CDK5RAP2: variants seen among roughly 807,000 people sequenced by gnomAD.
CDK5RAP2 encodes CDK5 regulatory subunit-associated protein 2.
CDK5RAP2 carries 147 observed loss-of-function variants against 232.9 expected under a neutral mutation model. The observed-to-expected ratio is 0.63, with a 90% confidence interval of 0.55 to 0.72. The LOEUF is 0.72. Among genes scored for constraint, CDK5RAP2 ranks in the 30% least tolerant of loss-of-function variants. The pLI is 0.00. For missense variants in CDK5RAP2, 2,195 were observed against 2,231.5 expected (o/e 0.98, Z 0.33); for synonymous variants, 833 against 833.7 (o/e 1.00, Z 0.01).
chr9:120,409,932 T>A (rs2033739937), intron 29 of CDK5RAP2, among the ~76,000 whole-genome samples: 1 of 152,188 alleles, frequency 6.6e-6, no homozygotes, highest in Non-Finnish European at 1.5e-5. Context: ...TTCACTGAGA[T>A]GCCATCTATA....
At chr9:120,411,034 G>A (rs1337377213) in intron 29 of CDK5RAP2, among the ~76,000 whole-genome samples, 8 of 152,196 alleles carry the variant, frequency 5.3e-5, no homozygotes, top group African/African-American at 1.7e-4. Context: ...ACTAGGATGA[G>A]AGACACGTGG....
At chr9:120,439,121 C>G (rs2035747357) in intron 24 of CDK5RAP2, among the ~76,000 whole-genome samples, 1 of 152,130 alleles carries the variant, frequency 6.6e-6, no homozygotes, top group South Asian at 2.1e-4. Flanking sequence ...TTACCCTGAG[C>G]CCCCAACTTG....
chr9:120,550,853 T>TA lies in CDK5RAP2; in HGVS notation c.244dup (p.Tyr82LeufsTer4). 6.2e-7 allele frequency: 1 copy of TA among 1,613,554 alleles called. No homozygotes were observed. The highest frequency in any genetic ancestry group is 8.5e-7 in the Non-Finnish European group (1 of 1,179,522). On this transcript the variant is annotated frameshift_variant, in exon 4 of 38. Coordinates refer to ENST00000349780, the MANE Select transcript of CDK5RAP2 (RefSeq NM_018249.6). LOFTEE classifies it high-confidence loss of function. ...CTGTTGCATTCTTTCCTCAAGGAAATAGATGCGGAGCTTTAGGTTAAAGTT... is the reference window on the plus strand; with the variant it reads ...CTGTTGCATTCTTTCCTCAAGGAAATAAGATGCGGAGCTTTAGGTTAAAGTT...
intron 36 of CDK5RAP2, among the ~76,000 whole-genome samples, chr9:120,390,645 A>T (rs1037807192): frequency 6.6e-6 from 1 of 152,214 alleles, no homozygotes; most frequent in African/African-American, 2.4e-5. Context: ...TGAGCCTGAT[A>T]GGGAATCTGT....
chr9:120,472,091 G>A (rs563942990), intron 15 of CDK5RAP2, among the ~76,000 whole-genome samples: 2 of 152,328 alleles, frequency 1.3e-5, no homozygotes, highest in South Asian at 4.1e-4. Context: ...ACGGCAGACT[G>A]TATTTCCTTC....
Position 120,460,666 on chromosome 9 carries a change from A to G in CDK5RAP2, c.2108T>C (p.Leu703Pro). 1.9e-6 allele frequency: 3 copies of G among 1,614,090 alleles called. No homozygotes were observed. The South Asian group carries it at 3.3e-5, about 18-fold the overall frequency. ...DRLASTEQTELLASKEDEDTI... is the reference protein window; with the variant it reads ...DRLASTEQTEPLASKEDEDTI... ...GTCCTCGTCCTCCTTGCTAGCCAGA[A>G]GCTACATGGAGCATGGAATGGTGTG... Residue 703 changes from leucine to proline, a missense_variant and splice_region_variant, in exon 19 of 38, where the codon CTT becomes CCT. By Grantham distance (98) the Leu-to-Pro change is moderately conservative. Transcript: ENST00000349780.
intron 3 of CDK5RAP2, among the ~76,000 whole-genome samples, chr9:120,566,741 C>T (rs2042661442): frequency 6.6e-6 from 1 of 152,226 alleles, no homozygotes; most frequent in Non-Finnish European, 1.5e-5. Flanking sequence ...AGTGGACAAA[C>T]AAGCAGCCTG....
chr9:120,426,913 T>C (rs1180223787), intron 25 of CDK5RAP2, among the ~76,000 whole-genome samples: 1 of 152,202 alleles, frequency 6.6e-6, no homozygotes, highest in Non-Finnish European at 1.5e-5. Flanking sequence ...GTCAGCTGTG[T>C]GCCAGCTCCA....
chr9:120,466,221 G>C (rs546504375), intron 18 of CDK5RAP2, among the ~76,000 whole-genome samples: 1 of 152,182 alleles, frequency 6.6e-6, no homozygotes, highest in South Asian at 2.1e-4. Flanking sequence ...ATGCATTTCT[G>C]GTTTGTTTCT....
chr9:120,432,747 A>T (rs1588318150), intron 25 of CDK5RAP2, among the ~76,000 whole-genome samples: 1 of 152,316 alleles, frequency 6.6e-6, no homozygotes, highest in East Asian at 1.9e-4. Context: ...GTAAATAACT[A>T]AAAAATAAAC....
At chr9:120,390,925 C>T (rs1000821725) in intron 36 of CDK5RAP2, among the ~76,000 whole-genome samples, 4 of 152,226 alleles carry the variant, frequency 2.6e-5, no homozygotes, top group East Asian at 3.9e-4. Flanking sequence ...ACGGGACAGA[C>T]GGTGTGGACT....
chr9:120,473,572 A>G (rs750295524), intron 15 of CDK5RAP2, among the ~76,000 whole-genome samples: 3 of 152,242 alleles, frequency 2.0e-5, no homozygotes, highest in Non-Finnish European at 4.4e-5. Context: ...CTAATCTTCT[A>G]TGCTTGCTGC....
intron 11 of CDK5RAP2, among the ~76,000 whole-genome samples, chr9:120,520,420 T>C (rs1361596873): frequency 6.6e-6 from 1 of 152,184 alleles, no homozygotes; most frequent in Non-Finnish European, 1.5e-5. Context: ...AGTGGGTGGA[T>C]CACCTGAAGT....
At chr9:120,398,710 T>C (rs2131243891) in intron 35 of CDK5RAP2, among the ~76,000 whole-genome samples, 1 of 152,384 alleles carries the variant, frequency 6.6e-6, no homozygotes, top group South Asian at 2.1e-4. Context: ...TGGTTTGTTA[T>C]TGTTTATCCT....
At chr9:120,475,832 C>T (rs2037976450) in intron 15 of CDK5RAP2, among the ~76,000 whole-genome samples, 1 of 152,136 alleles carries the variant, frequency 6.6e-6, no homozygotes, top group South Asian at 2.1e-4. Flanking sequence ...CTGTACCAGG[C>T]CCTGGGGAGC....
intron 13 of CDK5RAP2, among the ~76,000 whole-genome samples, chr9:120,491,104 T>C (rs151057532): frequency 6.6e-6 from 1 of 152,214 alleles, no homozygotes; most frequent in African/African-American, 2.4e-5. Context: ...TGACCCAGGA[T>C]ATGTTTCTTC....
intron 13 of CDK5RAP2, among the ~76,000 whole-genome samples, chr9:120,489,232 T>G (rs1225005904): frequency 6.6e-6 from 1 of 152,222 alleles, no homozygotes; most frequent in Non-Finnish European, 1.5e-5. Flanking sequence ...GTGGGTTCTT[T>G]GTATGTGACC....
intron 3 of CDK5RAP2, among the ~76,000 whole-genome samples, chr9:120,565,532 A>G (rs1398031556): frequency 6.6e-6 from 1 of 152,222 alleles, no homozygotes; most frequent in African/African-American, 2.4e-5. Flanking sequence ...AAGAACCTGC[A>G]GGAGCTGGCC....
chr9:120,430,277 C>A (rs369226495), intron 25 of CDK5RAP2, among the ~76,000 whole-genome samples: 61 of 152,152 alleles, frequency 4.0e-4, no homozygotes, highest in Admixed American at 6.6e-4. Flanking sequence ...TAATTAAACT[C>A]AAGAGCTTCT....
Sources: gnomAD v4.1 joint callset for allele counts (sites outside exome capture counted in the v4.1 genomes callset) on GRCh38, gnomAD v4.1.1 for gene constraint, MANE v1.5 for transcripts, NCBI Gene and HGNC (gene_info 2026-07-23, HGNC 2026-07-21) for gene names.